Variants in PDE9A observed in about 807,000 individuals in gnomAD.
The protein encoded by PDE9A is high affinity cGMP-specific 3',5'-cyclic phosphodiesterase 9A.
PDE9A carries 60 observed loss-of-function variants against 87.4 expected under a neutral mutation model. The ratio of observed to expected loss-of-function variants is 0.69; its 90% CI spans 0.56 to 0.85. PDE9A has a LOEUF of 0.85. Among genes scored for constraint, PDE9A ranks in the 40% least tolerant of loss-of-function variants. The pLI, the probability that PDE9A is intolerant of heterozygous loss-of-function variation, is 0.00. For missense variants in PDE9A, 665 were observed against 779.0 expected (o/e 0.85, Z 1.74); for synonymous variants, 272 against 279.4 (o/e 0.97, Z 0.27).
chr21:42,737,549 C>A (rs1304825027), intron 7 of PDE9A, among the ~76,000 whole-genome samples: 2 of 152,130 alleles, frequency 1.3e-5, no homozygotes, highest in African/African-American at 4.8e-5. Context: ...AACCTCTGCC[C>A]CCCGAAGACA....
intron 4 of PDE9A, among the ~76,000 whole-genome samples, chr21:42,712,253 T>C (rs1953096551): frequency 6.6e-6 from 1 of 152,264 alleles, no homozygotes; most frequent in African/African-American, 2.4e-5. Flanking sequence ...ATGTCTTCGG[T>C]TAACTTTACT....
At chr21:42,754,344 G>A (rs534272807) in intron 10 of PDE9A, among the ~76,000 whole-genome samples, 1 of 152,148 alleles carries the variant, frequency 6.6e-6, no homozygotes, top group Admixed American at 6.5e-5. Context: ...ATGGCGCTGG[G>A]CCCCCCGAGC....
rs1314345804 is a variant in PDE9A at position 42,759,073 on chromosome 21, C to T, written c.885C>T (p.Leu295=). ...VRDFSINPVT[L]RRWLFCVHDN... ...ACTTCAGCATCAACCCTGTCACCCT[C>T]AGGAGGTGGCTGGTGAGTGCCAAAC... is the stretch of plus-strand genomic sequence containing the variant. The change falls in exon 11 of 20, where the codon CTC becomes CTT. Residue 295 remains leucine, a synonymous_variant. Coordinates refer to ENST00000291539, the MANE Select transcript of PDE9A (RefSeq NM_002606.3). The surrounding 1 kb of genome is among the most constrained non-coding windows in gnomAD (Gnocchi z 7.2). The T allele has an allele frequency of 1.9e-6, 3 of 1,613,462 alleles. No homozygotes were observed. Among genetic ancestry groups the T allele is most frequent in the East Asian group, 2.2e-5 (1 of 44,876 alleles).
chr21:42,664,667 A>AAGGG (rs774198913), intron 1 of PDE9A, among the ~76,000 whole-genome samples: 1 of 148,308 alleles, frequency 6.7e-6, no homozygotes, highest in Middle Eastern at 3.2e-3. Context: ...GAGGGAAAGG[A>AAGGG]AGGGAGGGAG....
At position 42,705,875 on chromosome 21, in the gene PDE9A, C is replaced by T. The variant is rs1027886545; in HGVS notation, c.262+6864C>T. On this transcript the variant is annotated intron_variant, in intron 4 of 19. Transcript: ENST00000291539. This position sits in a 1 kb window ranked among gnomAD's most constrained non-coding sequence, Gnocchi z 4.3. ...CTGTTCAGCCTCTGCATCTGGCCCC[C>T]GCGGAGACCCACACCACATTCTACT... Among the ~76,000 whole-genome samples the T allele has an allele frequency of 6.6e-5, 10 of 152,174 alleles. No homozygotes were observed. Among genetic ancestry groups the T allele is most frequent in the African/African-American group, 1.9e-4 (8 of 41,432 alleles).
At chr21:42,684,914 G>GA (rs34043873) in intron 1 of PDE9A, among the ~76,000 whole-genome samples, 4,340 of 145,972 alleles carry the variant, frequency 0.03, 82 homozygotes, top group Middle Eastern at 0.053. Flanking sequence ...GTTAGTCACA[G>GA]AAAAAAAAAA....
At chr21:42,708,054 C>T (rs1051322158) in intron 4 of PDE9A, among the ~76,000 whole-genome samples, 2 of 152,150 alleles carry the variant, frequency 1.3e-5, no homozygotes, top group African/African-American at 4.8e-5. Context: ...TGGATGTCTG[C>T]GCATAGACAT....
intron 10 of PDE9A, chr21:42,758,057 G>A (rs1000602883): frequency 5.9e-5 from 9 of 152,336 alleles, no homozygotes; most frequent in African/African-American, 2.2e-4. Flanking sequence ...CAGGCAGCTG[G>A]GCTGGAGGTG....
rs184915958 is a variant in PDE9A, at chr21:42,751,249, C to T, written c.735+52C>T. The T allele has an allele frequency of 8.4e-6, 11 of 1,304,370 alleles. No individual in the cohort carries two copies. In the East Asian group the frequency reaches 1.1e-4, roughly 14 times the overall value. The allele number at this position is 1,304,370 out of a possible 1,614,324, so 80.8% of individuals were successfully genotyped here. ...AGCTGCAGCTGTGTCCCCAGCCCCA[C>T]GCCCAGCCCTGTGGCCCTGCGGCCA... On this transcript the variant is annotated intron_variant, in intron 9 of 19. Coordinates refer to ENST00000291539, the MANE Select transcript of PDE9A (RefSeq NM_002606.3).
intron 7 of PDE9A, among the ~76,000 whole-genome samples, chr21:42,735,589 G>T (rs1298684825): frequency 6.6e-6 from 1 of 152,166 alleles, no homozygotes; most frequent in African/African-American, 2.4e-5. Flanking sequence ...CCTGAGCTTG[G>T]AAGGCTACAT....
rs74697345 is a variant in PDE9A at position 42,699,010 on chromosome 21, C to T, written c.261C>T (p.Ser87=). The T allele has an allele frequency of 1.8e-3, 2,946 of 1,606,384 alleles. 47 individuals are homozygous for T. In the African/African-American group the frequency reaches 0.034, roughly 19 times the overall value. Residue 87 remains serine (S), a splice_region_variant and synonymous_variant, in exon 4 of 20, where the codon TCC becomes TCT. Transcript: ENST00000291539. Reference sequence around the variant, plus strand: ...GACCTGTGGCCATCAAGCAACTCTCCGGTAAGGCCCTGCTGTCGTTTTTTA... The same window carrying T: ...GACCTGTGGCCATCAAGCAACTCTCTGGTAAGGCCCTGCTGTCGTTTTTTA... The part of the protein sequence containing the change: ...KVRPVAIKQL[S]AGVEDKRTTS...
At chr21:42,726,624 A>ATATATATATATTTTTTTTT in intron 4 of PDE9A, among the ~76,000 whole-genome samples, 1 of 19,780 alleles carries the variant, frequency 5.1e-5, no homozygotes, top group Non-Finnish European at 7.5e-5. Context: ...ATATATATAT[A>ATATATATATATTTTTTTTT]TTTTTTTTTT....
chr21:42,766,966 C>T (rs1473253085), intron 15 of PDE9A, among the ~76,000 whole-genome samples: 1 of 152,178 alleles, frequency 6.6e-6, no homozygotes, highest in Non-Finnish European at 1.5e-5. Flanking sequence ...CCACTCCCAC[C>T]CCACCCCCAG....
chr21:42,764,725 A>G (rs1157108190), intron 14 of PDE9A, among the ~76,000 whole-genome samples: 1 of 152,238 alleles, frequency 6.6e-6, no homozygotes, highest in East Asian at 1.9e-4. Context: ...CTTTTTTAAA[A>G]ATATATTTTG....
At chr21:42,672,919 C>A (rs1171137234) in intron 1 of PDE9A, among the ~76,000 whole-genome samples, 7 of 152,162 alleles carry the variant, frequency 4.6e-5, no homozygotes, top group East Asian at 1.9e-4. Flanking sequence ...TATTGAAACA[C>A]CCAGAAATGC....
chr21:42,733,771 A>G (rs1244053695), intron 7 of PDE9A: 2 of 285,576 alleles, frequency 7.0e-6, no homozygotes, highest in Non-Finnish European at 1.3e-5. Flanking sequence ...CATTCTCTGC[A>G]CACTGATCGG....
intron 4 of PDE9A, chr21:42,701,165 G>A (rs1187575782): frequency 6.6e-6 from 1 of 152,086 alleles, no homozygotes; most frequent in Non-Finnish European, 1.5e-5. Flanking sequence ...TTGTTAATAT[G>A]AAGTACTTAA....
intron 1 of PDE9A, 126 bp from the exon 2 acceptor site, chr21:42,686,066 A>G: frequency 1.5e-6 from 1 of 665,418 alleles, no homozygotes; most frequent in Non-Finnish European, 2.7e-6. Flanking sequence ...TCCCGTGCGT[A>G]GAGTTACAGC....
In PDE9A at chr21:42,738,363, A is replaced by G. The variant is rs139578830; in HGVS notation, c.568+4937A>G. Among the ~76,000 whole-genome samples, 14 of 152,342 alleles carry G rather than the reference A, an allele frequency of 9.2e-5. No homozygotes were observed. In the East Asian group the frequency reaches 2.3e-3, roughly 25 times the overall value. ...GAAGTGTTGAAACACAACTCTATTCATACATGTCTTTAAACAGCTTTCACT... is the reference window on the plus strand; with the variant it reads ...GAAGTGTTGAAACACAACTCTATTCGTACATGTCTTTAAACAGCTTTCACT... On this transcript the variant is annotated intron_variant, in intron 7 of 19. Coordinates refer to ENST00000291539, the MANE Select transcript of PDE9A (RefSeq NM_002606.3).
Sources: allele counts gnomAD v4.1 joint callset (sites outside exome capture counted in the v4.1 genomes callset), GRCh38; gene constraint gnomAD v4.1.1; non-coding constraint Gnocchi (gnomAD v3.1); transcripts MANE v1.5; gene names NCBI Gene and HGNC (gene_info 2026-07-23, HGNC 2026-07-21).